Variants in WDR81 observed in about 807,000 individuals in gnomAD.
WDR81 encodes the protein WD repeat domain 81, also known as WD repeat-containing protein 81.
WDR81 carries 92 observed loss-of-function variants against 140.8 expected under a neutral mutation model. The observed-to-expected ratio is 0.65, with a 90% CI of 0.55 to 0.78. The LOEUF (loss-of-function observed/expected upper bound fraction) is 0.78. Among genes scored for constraint, WDR81 ranks in the 30% least tolerant of loss-of-function variants. The pLI is 0.00. For missense variants in WDR81, 2,502 were observed against 2,636.4 expected (o/e 0.95, Z 1.12); for synonymous variants, 1,183 against 1,156.4 (o/e 1.02, Z -0.47).
At chr17:1,731,343 C>G (rs1351390736) in intron 4 of WDR81, 85 bp downstream of exon 4, 1 of 1,453,514 alleles carries the variant, frequency 6.9e-7, no homozygotes, top group African/African-American at 1.4e-5. Context: ...GGGGAGAGGA[C>G]GTAACACTGG....
At position 1,737,964 on chromosome 17, in the gene WDR81, T is replaced by G; in HGVS notation, c.*279T>G. The G allele has an allele frequency of 1.8e-6, 1 of 544,334 alleles. No individual in the cohort carries two copies. Among genetic ancestry groups the G allele is most frequent in the Non-Finnish European group, 3.3e-6 (1 of 305,350 alleles). 33.7% of individuals were successfully genotyped at this position (544,334 alleles called of 1,614,324 possible). Reference sequence around the variant, plus strand: ...AAGAGCAGGAGGAAGCGTTGCTACCTTCACTTCTCCCCAGCTCTGCCCTCT... The same window carrying G: ...AAGAGCAGGAGGAAGCGTTGCTACCGTCACTTCTCCCCAGCTCTGCCCTCT... On this transcript the variant is annotated 3_prime_UTR_variant, in exon 10 of 10. Transcript: ENST00000409644.
intron 9 of WDR81, among the ~76,000 whole-genome samples, chr17:1,736,642 C>T (rs1323651860): frequency 6.6e-6 from 1 of 152,176 alleles, no homozygotes; most frequent in East Asian, 1.9e-4. Context: ...ATGGCCCTGC[C>T]GGGCTGCCCT....
chr17:1,724,971 C>T lies in WDR81; in HGVS notation c.12C>T (p.Gly4=). The T allele has an allele frequency of 6.9e-7, 1 of 1,454,934 alleles. No individual in the cohort carries two copies. Among genetic ancestry groups the T allele is most frequent in the Non-Finnish European group, 9.0e-7 (1 of 1,107,856 alleles). 90.1% of individuals were successfully genotyped at this position (1,454,934 alleles called of 1,614,324 possible). A position where few individuals can be genotyped will look rare whatever the true frequency, so the allele number is the denominator to read the frequency against. The change falls in exon 1 of 10, where the codon GGC becomes GGT. Residue 4 remains glycine (G), a synonymous_variant. Transcript: ENST00000409644. The part of the protein sequence containing the change: MAQ[G]SGGREGALRT... ...GCGGCCTGGAGGAGATGGCCCAGGG[C>T]AGCGGGGGGCGGGAAGGCGCTCTCA...
At position 1,737,516 on chromosome 17, in the gene WDR81, C is replaced by A; in HGVS notation, c.5657C>A (p.Thr1886Asn). The change falls in exon 10 of 10, where the codon ACC becomes AAC. Residue 1886 changes from threonine (T) to asparagine (N), a missense_variant. Around this residue, in one of 3 missense-constraint regions of WDR81, gnomAD observed 1,737 missense variants for 1,843.0 expected, o/e 0.94. Transcript: ENST00000409644. ...DLYGSEVVTGTVSNKIGVCSL... is the reference protein window; with the variant it reads ...DLYGSEVVTGNVSNKIGVCSL... The stretch of plus-strand genomic sequence containing the variant: ...TACGGCAGCGAGGTGGTCACTGGCA[C>A]CGTGTCCAACAAGATTGGCGTCTGC... The A allele has an allele frequency of 6.2e-7, 1 of 1,613,160 alleles. No individual in the cohort carries two copies. The highest frequency in any genetic ancestry group is 8.5e-7 in the Non-Finnish European group (1 of 1,180,008).
At chr17:1,730,331 G>A in intron 1 of WDR81, 49 bp from the exon 2 acceptor site, 1 of 1,485,044 alleles carries the variant, frequency 6.7e-7, no homozygotes. Flanking sequence ...TGGGAGGGGT[G>A]ATGAGCCCCT....
At position 1,726,587 on chromosome 17, in the gene WDR81, A is replaced by G. The variant is rs1346390258; in HGVS notation, c.1628A>G (p.His543Arg). The change falls in exon 1 of 10, where the codon CAT (histidine) becomes CGT (arginine). Residue 543 changes from histidine (H) to arginine (R), a missense_variant. This residue lies in a region of WDR81 where 218 missense variants were observed against 279.6 expected (regional missense o/e 0.78). Transcript: ENST00000409644. ...CGCGAGGTATCCCGGGACCTGCACC[A>G]TTGGATCGACCTCACGTTTGGCTAT... The part of the protein sequence containing the change: ...ESREVSRDLH[H>R]WIDLTFGYKL... 1 of 1,550,188 alleles carries G rather than the reference A, an allele frequency of 6.5e-7. No homozygotes were observed. The highest frequency in any genetic ancestry group is 2.0e-5 in the Admixed American group (1 of 50,968).
At chr17:1,721,571 C>T (rs961787306), upstream of WDR81, among the ~76,000 whole-genome samples, 4 of 151,908 alleles carry the variant, frequency 2.6e-5, no homozygotes, top group African/African-American at 7.3e-5. Flanking sequence ...CCTGTAATCC[C>T]AGCATTTTGA....
rs775835924 is a variant in WDR81 at position 1,737,551 on chromosome 17, G to C, written c.5692G>C (p.Glu1898Gln). 1.9e-6 allele frequency: 3 copies of C among 1,612,844 alleles called. No individual in the cohort carries two copies. The African/African-American group carries it at 4.0e-5, about 22-fold the overall frequency. ...CAAGATTGGCGTCTGCTCCCTGCTTGAGCCACCCTCGCAGGCCACCACGAA... is the reference window on the plus strand; with the variant it reads ...CAAGATTGGCGTCTGCTCCCTGCTTCAGCCACCCTCGCAGGCCACCACGAA... The part of the protein sequence containing the change: ...SNKIGVCSLL[E>Q]PPSQATTKLS... Residue 1898 changes from glutamate (E) to glutamine (Q), a missense_variant, in exon 10 of 10, where the codon GAG (glutamate) becomes CAG (glutamine). Glu to Gln is a conservative substitution (Grantham distance 29). Around this residue, in one of 3 missense-constraint regions of WDR81, gnomAD observed 1,737 missense variants for 1,843.0 expected, o/e 0.94. Coordinates refer to ENST00000409644, the MANE Select transcript of WDR81 (RefSeq NM_001163809.2).
At chr17:1,723,461 ATTTATT>A (rs1914999616), upstream of WDR81, among the ~76,000 whole-genome samples, 2 of 52,652 alleles carry the variant, frequency 3.8e-5, no homozygotes, top group Non-Finnish European at 7.6e-5. Flanking sequence ...ATTTATTTTT[ATTTATT>A]TATTTATTTA....
chr17:1,718,367 C>T (rs1914700759), intron 1 of WDR81, among the ~76,000 whole-genome samples: 1 of 152,236 alleles, frequency 6.6e-6, no homozygotes, highest in South Asian at 2.1e-4. Flanking sequence ...ATCCACCCGC[C>T]TCGGTCTCCC....
chr17:1,726,381 T>C lies in WDR81; in HGVS notation c.1422T>C (p.His474=), dbSNP rs1050405950. Residue 474 remains histidine (H), a synonymous_variant, in exon 1 of 10, where the codon CAT becomes CAC. Transcript: ENST00000409644. ...ACGTCCGCGCGCAGTGGGAGCCCCATGAGTATCCGGCCAGCATGGAGCGGA... is the reference window on the plus strand; with the variant it reads ...ACGTCCGCGCGCAGTGGGAGCCCCACGAGTATCCGGCCAGCATGGAGCGGA... ...CGHVRAQWEP[H]EYPASMERMQ... is the part of the protein sequence containing the mutation. The C allele has an allele frequency of 1.3e-6, 2 of 1,549,876 alleles. No homozygotes were observed. Among genetic ancestry groups the C allele is most frequent in the South Asian group, 1.2e-5 (1 of 84,010 alleles).
chr17:1,735,917 T>C lies in WDR81; in HGVS notation c.5326-122T>C. On this transcript the variant is annotated intron_variant, in intron 8 of 9. Coordinates refer to ENST00000409644, the MANE Select transcript of WDR81 (RefSeq NM_001163809.2). This position sits in a 1 kb window ranked among gnomAD's most constrained non-coding sequence, Gnocchi z 4.2. ...TGGGGGTGGGGTTCTGGGCTTTTCA[T>C]GCCCCCTGATGAGGGTCAGAGGCTC... is the stretch of plus-strand genomic sequence containing the variant. 1 of 1,423,084 alleles carries C rather than the reference T, an allele frequency of 7.0e-7. No individual in the cohort carries two copies. The allele number at this position is 1,423,084 out of a possible 1,614,324, so 88.2% of individuals were successfully genotyped here. A position where few individuals can be genotyped will look rare whatever the true frequency, so the allele number is the denominator to read the frequency against.
intron 6 of WDR81, among the ~76,000 whole-genome samples, chr17:1,733,306 C>T (rs1365254659): frequency 2.0e-5 from 3 of 152,222 alleles, no homozygotes; most frequent in Non-Finnish European, 4.4e-5. Flanking sequence ...TTCCTAGTGC[C>T]CAGCACGGCA....
chr17:1,719,735 G>T (rs1914766590), upstream of WDR81, among the ~76,000 whole-genome samples: 1 of 151,320 alleles, frequency 6.6e-6, no homozygotes, highest in Non-Finnish European at 1.5e-5. Flanking sequence ...TGGCGAGGTG[G>T]CTCACACCTG....
intron 4 of WDR81, 122 bp from the exon 5 acceptor site, chr17:1,732,203 C>CTCCA (rs1378051100): frequency 1.4e-6 from 2 of 1,385,800 alleles, no homozygotes; most frequent in Admixed American, 4.8e-5. Flanking sequence ...CACCACTGCA[C>CTCCA]TCCAGCCTGG....
chr17:1,730,305 G>A, intron 1 of WDR81, 75 bp from the exon 2 acceptor site: 1 of 1,251,696 alleles, frequency 8.0e-7, no homozygotes. Flanking sequence ...GTTGAGTGGG[G>A]TGCCGTGGGG....
chr17:1,736,031 C>T lies in WDR81; in HGVS notation c.5326-8C>T. ...TGGTGCCTCAGCTCAGCCGCCCTCT[C>T]CCTGCAGCACGAGTTCCGACTGGGC... is the stretch of plus-strand genomic sequence containing the variant. On this transcript the variant is annotated splice_polypyrimidine_tract_variant and splice_region_variant and intron_variant, in intron 8 of 9. Transcript: ENST00000409644. The T allele has an allele frequency of 6.3e-7, 1 of 1,587,924 alleles. No homozygotes were observed. The highest frequency in any genetic ancestry group is 1.7e-4 in the Middle Eastern group (1 of 5,768).
intron 1 of WDR81, chr17:1,716,856 A>T: frequency 1.7e-6 from 1 of 603,430 alleles, no homozygotes; most frequent in Non-Finnish European, 2.9e-6. Context: ...CTGCCGTTGG[A>T]GAGCTCTCCA....
chr17:1,733,924 G>A lies in WDR81; in HGVS notation c.4887G>A (p.Gln1629=). Residue 1629 remains glutamine (Q), a synonymous_variant, in exon 7 of 10, where the codon CAG becomes CAA. Transcript: ENST00000409644. ...AYWQYEIGVS[Q]QDAHFHFHQI... ...GGCAGTACGAGATCGGCGTGAGCCA[G>A]CAGGATGCCCACTTTCACTTCCACC... 1 of 1,612,802 alleles carries A rather than the reference G, an allele frequency of 6.2e-7. No individual in the cohort carries two copies. The highest frequency in any genetic ancestry group is 8.5e-7 in the Non-Finnish European group (1 of 1,179,968).
Sources: gnomAD v4.1 joint callset for allele counts (sites outside exome capture counted in the v4.1 genomes callset) on GRCh38, gnomAD v4.1.1 for gene constraint, gnomAD v4.1.1 regional missense constraint, Gnocchi (gnomAD v3.1) non-coding constraint, MANE v1.5 for transcripts, NCBI Gene and HGNC (gene_info 2026-07-23, HGNC 2026-07-21) for gene names.